KIZ: variants seen among roughly 807,000 people sequenced by gnomAD.
KIZ encodes the protein centrosomal protein kizuna.
In KIZ, 68 loss-of-function variants were observed where a neutral mutation model predicts 79.6. The observed-to-expected ratio is 0.85, with a 90% CI of 0.70 to 1.05. KIZ has a LOEUF of 1.05. KIZ is among the 50% of genes least tolerant of loss of function. The probability of loss-of-function intolerance (pLI) is 0.00; values close to 1 mark genes in which losing one functional copy is unlikely to be tolerated. For missense variants in KIZ, 797 were observed against 800.4 expected, an observed-to-expected ratio of 1.00 and a Z score of 0.05; for synonymous variants, 280 against 281.8, an observed-to-expected ratio of 0.99 and a Z score of 0.06.
chr20:21,212,577 T>TA (rs1394708973), intron 7 of KIZ, among the ~76,000 whole-genome samples: 5 of 152,238 alleles, frequency 3.3e-5, no homozygotes, highest in East Asian at 1.9e-4. Context: ...ATTTCTGACT[T>TA]ACAATTTTTT....
intron 3 of KIZ, among the ~76,000 whole-genome samples, chr20:21,143,801 G>T (rs1177096614): frequency 6.6e-6 from 1 of 152,122 alleles, no homozygotes; most frequent in African/African-American, 2.4e-5. Context: ...TCTGGAGAGC[G>T]CTGTGGAAAA....
intron 6 of KIZ, among the ~76,000 whole-genome samples, chr20:21,176,892 G>A: frequency 6.6e-6 from 1 of 152,194 alleles, no homozygotes; most frequent in South Asian, 2.1e-4. Context: ...ATTTCACTTA[G>A]CATGTTGTCT....
At chr20:21,223,109 A>G (rs1261415118) in intron 9 of KIZ, among the ~76,000 whole-genome samples, 1 of 152,244 alleles carries the variant, frequency 6.6e-6, no homozygotes, top group African/African-American at 2.4e-5. Context: ...TGGCTAAAAT[A>G]TACTGTTTTT....
chr20:21,182,722 G>A (rs1463835021), intron 6 of KIZ, among the ~76,000 whole-genome samples: 2 of 151,162 alleles, frequency 1.3e-5, no homozygotes, highest in African/African-American at 4.9e-5. Context: ...ACTTGAACCC[G>A]GGAGGCAGAG....
intron 6 of KIZ, among the ~76,000 whole-genome samples, chr20:21,168,697 A>G (rs987103728): frequency 5.9e-5 from 9 of 152,224 alleles, no homozygotes; most frequent in African/African-American, 2.2e-4. Context: ...ACAAGGCTAC[A>G]GTAACCAAAA....
intron 11 of KIZ, among the ~76,000 whole-genome samples, chr20:21,241,711 G>A (rs956715878): frequency 6.6e-6 from 1 of 152,200 alleles, no homozygotes; most frequent in African/African-American, 2.4e-5. Context: ...GCGGAAGTGA[G>A]GTCCCTGAAA....
At chr20:21,209,838 ATTTT>A (rs2035993398) in intron 7 of KIZ, among the ~76,000 whole-genome samples, 2 of 151,504 alleles carry the variant, frequency 1.3e-5, no homozygotes, top group African/African-American at 2.4e-5. Context: ...AGGGAATTTA[ATTTT>A]ATCAGATGCA....
At chr20:21,134,660 G>GTTTT (rs537989513) in intron 2 of KIZ, among the ~76,000 whole-genome samples, 4 of 130,520 alleles carry the variant, frequency 3.1e-5, no homozygotes, top group African/African-American at 1.1e-4. Context: ...CATCTTTCAG[G>GTTTT]TTTTTTTTTT....
chr20:21,215,017 A>T (rs1343013795), intron 8 of KIZ, among the ~76,000 whole-genome samples: 5 of 152,236 alleles, frequency 3.3e-5, no homozygotes, highest in Non-Finnish European at 7.4e-5. Context: ...GATGAAGATG[A>T]TTCCATAAAG....
chr20:21,224,669 C>A (rs2036604865), intron 9 of KIZ, among the ~76,000 whole-genome samples: 1 of 152,012 alleles, frequency 6.6e-6, no homozygotes, highest in Non-Finnish European at 1.5e-5. Context: ...TTCTTTTTTT[C>A]ATTAAGGATT....
intron 6 of KIZ, among the ~76,000 whole-genome samples, chr20:21,202,819 A>G (rs1438113004): frequency 6.6e-6 from 1 of 152,170 alleles, no homozygotes; most frequent in Non-Finnish European, 1.5e-5. Flanking sequence ...TAAGTTGCAG[A>G]CACTAATATA....
At chr20:21,153,217 C>T (rs754553742) in intron 4 of KIZ, among the ~76,000 whole-genome samples, 4 of 152,142 alleles carry the variant, frequency 2.6e-5, no homozygotes, top group African/African-American at 7.2e-5. Context: ...TTGATGCCAC[C>T]GTCACCACCA....
intron 7 of KIZ, among the ~76,000 whole-genome samples, chr20:21,210,762 C>CTT (rs11288900): frequency 6.8e-6 from 1 of 146,052 alleles, no homozygotes; most frequent in Non-Finnish European, 1.5e-5. Context: ...ATACTATCAG[C>CTT]TTTTTTTTTT....
At position 21,162,830 on chromosome 20, in the gene KIZ, G is replaced by A; in HGVS notation, c.1043-20G>A. ...TCCTGAAGTCAGTGATTGGTAATCA[G>A]TTCATGTCGCCACTTGCAGATCATC... On this transcript the variant is annotated intron_variant, in intron 5 of 12. Transcript: ENST00000619189. 1 of 1,598,848 alleles carries A rather than the reference G, an allele frequency of 6.3e-7. No homozygotes were observed.
chr20:21,167,845 C>T (rs1165680183), intron 6 of KIZ, among the ~76,000 whole-genome samples: 4 of 152,078 alleles, frequency 2.6e-5, no homozygotes, highest in East Asian at 1.9e-4. Context: ...TGAGCCACTG[C>T]GCCTGGCCTA....
At chr20:21,141,798 AACACACACAC>A (rs373681499) in intron 3 of KIZ, among the ~76,000 whole-genome samples, 1 of 133,274 alleles carries the variant, frequency 7.5e-6, no homozygotes, top group South Asian at 2.5e-4. Flanking sequence ...TACTCCTCCC[AACACACACAC>A]ACACACACAC....
intron 4 of KIZ, among the ~76,000 whole-genome samples, chr20:21,147,328 T>C (rs1188352544): frequency 6.6e-6 from 1 of 152,248 alleles, no homozygotes; most frequent in African/African-American, 2.4e-5. Context: ...ATTGGCTGTA[T>C]AAGAATCGAT....
intron 6 of KIZ, among the ~76,000 whole-genome samples, chr20:21,164,006 A>G (rs1250395928): frequency 6.6e-6 from 1 of 152,204 alleles, no homozygotes; most frequent in African/African-American, 2.4e-5. Flanking sequence ...GCCGGGGCAG[A>G]GTGGTGTCAC....
At chr20:21,222,916 C>T (rs545379531) in intron 9 of KIZ, among the ~76,000 whole-genome samples, 85 of 152,242 alleles carry the variant, frequency 5.6e-4, no homozygotes, top group African/African-American at 2.0e-3. Flanking sequence ...ATGAGTTTGT[C>T]GGGTTGAGGG....
Sources: allele counts gnomAD v4.1 joint callset (sites outside exome capture counted in the v4.1 genomes callset), GRCh38; gene constraint gnomAD v4.1.1; transcripts MANE v1.5; gene names NCBI Gene and HGNC (gene_info 2026-07-23, HGNC 2026-07-21).